Variants in ZAN observed in about 807,000 individuals in gnomAD.
The protein encoded by ZAN is zonadhesin (gene/pseudogene).
A neutral mutation model predicts 286.2 loss-of-function variants in ZAN; 260 were observed. The observed-to-expected ratio is 0.91, with a 90% CI of 0.82 to 1.01. ZAN has a LOEUF of 1.01. Ranked by LOEUF, ZAN falls within the 50% of genes least tolerant of loss-of-function variation. ZAN has a pLI of 0.00. For missense variants in ZAN, 3,410 were observed against 3,639.2 expected (o/e 0.94, Z 1.62); for synonymous variants, 1,368 against 1,417.5 (o/e 0.97, Z 0.79).
At chr7:100,778,499 T>A (rs1262943428) in intron 34 of ZAN, among the ~76,000 whole-genome samples, 1 of 151,664 alleles carries the variant, frequency 6.6e-6, no homozygotes, top group Non-Finnish European at 1.5e-5. Context: ...TCCCAGCTAC[T>A]CACAAGGCTG....
rs1807566018 is a variant in ZAN, at chr7:100,739,065, G to A, written c.766+452G>A. ...CTCGTTCTGTCACCCAGTCTGGAGTGCAGTGGCGTGATCTCTGCTCACTGC... is the reference window on the plus strand; with the variant it reads ...CTCGTTCTGTCACCCAGTCTGGAGTACAGTGGCGTGATCTCTGCTCACTGC... On this transcript the variant is annotated intron_variant, in intron 7 of 47. Transcript: ENST00000613979. 1.6e-5 allele frequency among the ~76,000 whole-genome samples: 2 copies of A among 125,360 alleles called. 1 individual carries two copies. The highest frequency in any genetic ancestry group is 1.6e-4 in the Admixed American group (2 of 12,282). The allele number at this position is 125,360 out of a possible 152,430, so 82.2% of individuals were successfully genotyped here.
At chr7:100,735,590 G>A in intron 2 of ZAN, 130 bp from the exon 3 acceptor site, 1 of 671,744 alleles carries the variant, frequency 1.5e-6, no homozygotes, top group Non-Finnish European at 2.4e-6. Flanking sequence ...AAAAAGTCAA[G>A]TCAGACACAT....
In ZAN at chr7:100,753,026, A is replaced by G; in HGVS notation, c.2921A>G (p.Glu974Gly). The change falls in exon 14 of 48, where the codon GAA (glutamate) becomes GGA (glycine). Residue 974 changes from glutamate (E) to glycine (G), a missense_variant. Glu to Gly is a moderately conservative substitution (Grantham distance 98). Coordinates refer to ENST00000613979, the MANE Select transcript of ZAN (RefSeq NM_003386.3). The part of the protein sequence containing the change: ...ISTEKPTIPT[E>G]KLTIPTEKPT... The stretch of plus-strand genomic sequence containing the variant: ...ACGGAAAAACCCACCATCCCCACGG[A>G]AAAACTTACCATCCCCACGGAAAAA... 1 of 1,609,204 alleles carries G rather than the reference A, an allele frequency of 6.2e-7. No individual in the cohort carries two copies. The highest frequency in any genetic ancestry group is 8.5e-7 in the Non-Finnish European group (1 of 1,177,332).
chr7:100,783,474 CTG>C (rs1161720151), intron 35 of ZAN, among the ~76,000 whole-genome samples: 1 of 150,570 alleles, frequency 6.6e-6, no homozygotes, highest in East Asian at 2.0e-4. Flanking sequence ...TGGCTCATGC[CTG>C]TAATCCTAGC....
At chr7:100,774,624 T>C (rs1810622357) in intron 31 of ZAN, among the ~76,000 whole-genome samples, 1 of 151,852 alleles carries the variant, frequency 6.6e-6, no homozygotes, top group South Asian at 2.1e-4. Flanking sequence ...AGAGTCTGCA[T>C]GCCAGCCTGG....
rs1808841690 is a variant in ZAN at position 100,752,750 on chromosome 7, CGGAAAAACCCACCATCCCCAT to C, written c.2646_2666del (p.Lys884_Glu890del). The C allele has an allele frequency of 6.5e-7, 1 of 1,540,090 alleles. No individual in the cohort carries two copies. The highest frequency in any genetic ancestry group is 1.4e-5 in the African/African-American group (1 of 72,224). On this transcript the variant is annotated inframe_deletion, in exon 14 of 48. Coordinates refer to ENST00000613979, the MANE Select transcript of ZAN (RefSeq NM_003386.3). The stretch of plus-strand genomic sequence containing the variant: ...CCCACGGAAAAACTCACCATCCCCA[CGGAAAAACCCACCATCCCCAT>C]TGAAGAGACTACCATCTCCACAGAA...
At chr7:100,738,871 T>TCTTCTTCTTCTTCTTCTCCTTCTC (rs1562911218) in intron 7 of ZAN, among the ~76,000 whole-genome samples, 1 of 23,704 alleles carries the variant, frequency 4.2e-5, no homozygotes, top group Non-Finnish European at 8.9e-5. Flanking sequence ...TTCCTCTTCT[T>TCTTCTTCTTCTTCTTCTCCTTCTC]CTTCTCCCTC....
In ZAN at chr7:100,773,233, TTGGGGGC is replaced by T. The variant is rs893170015; in HGVS notation, c.5426-48_5426-42del. On this transcript the variant is annotated intron_variant, in intron 29 of 47. Transcript: ENST00000613979. ...CTAGGAGCTTTTGATGCCCCAAGGT[TTGGGGGC>T]TGGACATGCCACCCCACTCTTCCTA... is the stretch of plus-strand genomic sequence containing the variant. 19 of 1,593,438 alleles carry T rather than the reference TTGGGGGC, an allele frequency of 1.2e-5. 1 individual carries two copies. The highest frequency in any genetic ancestry group is 4.5e-5 in the East Asian group (2 of 44,716).
Position 100,789,314 on chromosome 7 carries a change from C to T in ZAN, c.7324C>T (p.Leu2442=). The T allele has an allele frequency of 6.2e-7, 1 of 1,613,900 alleles. No homozygotes were observed. Reference sequence around the variant, plus strand: ...GCTCTACCTGGTCACCGACTTTGAGCTGGTCGTCAGCTTTGGTGGAAGGAA... The same window carrying T: ...GCTCTACCTGGTCACCGACTTTGAGTTGGTCGTCAGCTTTGGTGGAAGGAA... ...QRLYLVTDFE[L]VVSFGGRKNA... is the part of the protein sequence containing the mutation. Residue 2442 remains leucine (L), a synonymous_variant, in exon 39 of 48, where the codon CTG becomes TTG. Transcript: ENST00000613979.
At chr7:100,762,727 C>T (rs1809684013) in intron 20 of ZAN, among the ~76,000 whole-genome samples, 1 of 149,540 alleles carries the variant, frequency 6.7e-6, no homozygotes. Flanking sequence ...ACCACCACGT[C>T]CAGCCCTCCA....
chr7:100,758,105 T>G, intron 15 of ZAN, 97 bp from the exon 16 acceptor site: 1 of 951,248 alleles, frequency 1.1e-6, no homozygotes, highest in Non-Finnish European at 1.3e-6. Flanking sequence ...AATAAATAAA[T>G]AAATAAATAA....
chr7:100,754,440 T>C, intron 14 of ZAN, among the ~76,000 whole-genome samples: 1 of 151,890 alleles, frequency 6.6e-6, no homozygotes, highest in East Asian at 1.9e-4. Flanking sequence ...GCCTGGGTGA[T>C]AAAGTGAGAC....
At chr7:100,749,899 A>G (rs1808524973) in intron 11 of ZAN, among the ~76,000 whole-genome samples, 1 of 149,110 alleles carries the variant, frequency 6.7e-6, no homozygotes, top group South Asian at 2.1e-4. Flanking sequence ...AAAAACACAA[A>G]AATTAGCCAG....
intron 31 of ZAN, among the ~76,000 whole-genome samples, chr7:100,774,104 T>C (rs1810593561): frequency 6.6e-6 from 1 of 152,160 alleles, no homozygotes; most frequent in African/African-American, 2.4e-5. Context: ...AATCCTTCCC[T>C]GGGGCCAGAC....
chr7:100,752,787 C>T lies in ZAN; in HGVS notation c.2682C>T (p.Ile894=). ...KPTIPIEETT[I]STEKLTIPTE... ...CCATCCCCATTGAAGAGACTACCAT[C>T]TCCACAGAAAAACTCACCATCCCCA... The change falls in exon 14 of 48, where the codon ATC becomes ATT. Residue 894 remains isoleucine, a synonymous_variant. Transcript: ENST00000613979. 1 of 1,552,416 alleles carries T rather than the reference C, an allele frequency of 6.4e-7. No individual in the cohort carries two copies. Among genetic ancestry groups the T allele is most frequent in the Non-Finnish European group, 8.8e-7 (1 of 1,137,478 alleles).
chr7:100,796,531 C>T (rs932571345), intron 45 of ZAN, among the ~76,000 whole-genome samples: 2 of 150,464 alleles, frequency 1.3e-5, no homozygotes, highest in Non-Finnish European at 1.5e-5. Flanking sequence ...ATTCTCCTGT[C>T]TCAGCCTCCT....
At chr7:100,768,040 G>A in intron 26 of ZAN, 29 bp downstream of exon 26, 1 of 1,597,254 alleles carries the variant, frequency 6.3e-7, no homozygotes, top group Non-Finnish European at 8.5e-7. Flanking sequence ...TGCGGGGAAA[G>A]CTGGGACAAT....
At chr7:100,762,419 CTTT>C (rs869138443) in intron 20 of ZAN, 61 bp downstream of exon 20, 75,116 of 997,072 alleles carry the variant, frequency 0.075, 451 homozygotes, top group South Asian at 0.12. Flanking sequence ...CTGGAACTCT[CTTT>C]TTTTTTTTTT....
rs773331782 is a variant in ZAN at position 100,758,244 on chromosome 7, CGCT to C, written c.3357_3359del (p.Cys1119del). Reference sequence around the variant, plus strand: ...CAGCCCCAACTGCACAGAACATTGCCGCTGCTGGCCCGGCAGTCGGGTCGAGTG... The same window carrying C: ...CAGCCCCAACTGCACAGAACATTGCCGCTGGCCCGGCAGTCGGGTCGAGTG... On this transcript the variant is annotated inframe_deletion, in exon 16 of 48. Transcript: ENST00000613979. The C allele has an allele frequency of 4.8e-5, 78 of 1,613,382 alleles. No individual in the cohort carries two copies. Among genetic ancestry groups the C allele is most frequent in the Non-Finnish European group, 6.4e-5 (76 of 1,179,902 alleles).
Sources: gnomAD v4.1 joint callset for allele counts (sites outside exome capture counted in the v4.1 genomes callset) on GRCh38, gnomAD v4.1.1 for gene constraint, MANE v1.5 for transcripts, NCBI Gene and HGNC (gene_info 2026-07-23, HGNC 2026-07-21) for gene names.